Variants in PTPRN2 observed in about 807,000 individuals in gnomAD.
PTPRN2 encodes the protein receptor-type tyrosine-protein phosphatase N2.
In PTPRN2, 74 loss-of-function variants were observed where a neutral mutation model predicts 118.8. The observed-to-expected ratio is 0.62, with a 90% CI of 0.52 to 0.76. The LOEUF (loss-of-function observed/expected upper bound fraction) is 0.76. Ranked by LOEUF, PTPRN2 falls within the 30% of genes least tolerant of loss-of-function variation. The pLI, the probability that PTPRN2 is intolerant of heterozygous loss-of-function variation, is 0.00. For synonymous variants in PTPRN2, 641 were observed against 608.0 expected (o/e 1.05, Z -0.80); for missense variants, 1,481 against 1,394.4 (o/e 1.06, Z -0.99).
At chr7:158,331,173 G>T (rs10281534) in intron 2 of PTPRN2, among the ~76,000 whole-genome samples, 410 of 5,600 alleles carry the variant, frequency 0.073, 2 homozygotes, top group Admixed American at 0.1. Context: ...ACTCTCACCA[G>T]AAGAGCTGTC....
chr7:158,124,426 C>A (rs1460242173), intron 9 of PTPRN2, among the ~76,000 whole-genome samples: 1 of 152,324 alleles, frequency 6.6e-6, no homozygotes, highest in South Asian at 2.1e-4. Flanking sequence ...AAAAGGACAG[C>A]GGTGAAGGGA....
chr7:157,687,232 T>C (rs921847169), intron 12 of PTPRN2, among the ~76,000 whole-genome samples: 1 of 152,164 alleles, frequency 6.6e-6, no homozygotes, highest in African/African-American at 2.4e-5. Context: ...TAGCTGTCCA[T>C]GTGGTAAGCT....
At chr7:158,039,138 C>G (rs1415186310) in intron 11 of PTPRN2, among the ~76,000 whole-genome samples, 1 of 152,100 alleles carries the variant, frequency 6.6e-6, no homozygotes, top group Non-Finnish European at 1.5e-5. Flanking sequence ...TACTGTAATA[C>G]CATGCCATAG....
At chr7:158,207,869 A>T (rs1341497659) in intron 3 of PTPRN2, among the ~76,000 whole-genome samples, 1 of 152,204 alleles carries the variant, frequency 6.6e-6, no homozygotes, top group Non-Finnish European at 1.5e-5. Context: ...TAGTTGTTTT[A>T]AAAAAATTCA....
intron 6 of PTPRN2, among the ~76,000 whole-genome samples, chr7:158,150,516 G>A (rs556820206): frequency 2.0e-5 from 3 of 152,260 alleles, no homozygotes; most frequent in African/African-American, 4.8e-5. Context: ...GCTAACCCAG[G>A]TGAGTCCCAG....
intron 2 of PTPRN2, among the ~76,000 whole-genome samples, chr7:158,323,556 G>C (rs1803211314): frequency 6.6e-6 from 1 of 152,248 alleles, no homozygotes; most frequent in Non-Finnish European, 1.5e-5. Context: ...CAGTAATCTA[G>C]AATTGGGTGG....
chr7:158,062,080 C>T (rs145989646), intron 11 of PTPRN2, among the ~76,000 whole-genome samples: 172 of 152,378 alleles, frequency 1.1e-3, no homozygotes, highest in Non-Finnish European at 2.0e-3. Flanking sequence ...CCAGAGCCCA[C>T]GCTGACTTCT....
chr7:157,967,457 G>C (rs1459602939), intron 11 of PTPRN2, among the ~76,000 whole-genome samples: 1 of 152,202 alleles, frequency 6.6e-6, no homozygotes, highest in Admixed American at 6.5e-5. Flanking sequence ...TAGAGACTCT[G>C]TGTGGCAGGT....
At chr7:157,926,164 G>C (rs376789161) in intron 11 of PTPRN2, among the ~76,000 whole-genome samples, 38 of 27,744 alleles carry the variant, frequency 1.4e-3, no homozygotes, top group East Asian at 6.3e-3. Context: ...CCCTCTATCT[G>C]TCCACTGATA....
chr7:158,151,071 ACTCTTGCCCCTGCCTGCCCAAACCGCCCG>A lies in PTPRN2; in HGVS notation c.911-12585_911-12557del, dbSNP rs1563520538. 6.1e-4 allele frequency among the ~76,000 whole-genome samples: 64 copies of A among 105,290 alleles called. 1 individual carries two copies. The highest frequency in any genetic ancestry group is 2.3e-3 in the African/African-American group (58 of 24,948). 69.1% of individuals were successfully genotyped at this position (105,290 alleles called of 152,430 possible). A position where few individuals can be genotyped will look rare whatever the true frequency, so the allele number is the denominator to read the frequency against. On this transcript the variant is annotated intron_variant, in intron 6 of 22. Transcript: ENST00000389418. ...GCCTGCCCACACTGCCCGCCTTTCC[ACTCTTGCCCCTGCCTGCCCAAACCGCCCG>A]CCTTTCTGCTCCTACCCCTGCCCAC...
chr7:158,458,469 G>A (rs551907938), intron 2 of PTPRN2, among the ~76,000 whole-genome samples: 7 of 152,144 alleles, frequency 4.6e-5, no homozygotes, highest in African/African-American at 7.2e-5. Flanking sequence ...CTGACCACCC[G>A]GATCTTTTAA....
At chr7:157,669,046 C>T (rs549288930) in intron 13 of PTPRN2, among the ~76,000 whole-genome samples, 2 of 152,332 alleles carry the variant, frequency 1.3e-5, no homozygotes, top group South Asian at 2.1e-4. Flanking sequence ...CCAATGATTT[C>T]GTTGAGGAGA....
At chr7:158,425,947 G>A (rs1206325771) in intron 2 of PTPRN2, among the ~76,000 whole-genome samples, 3 of 138,326 alleles carry the variant, frequency 2.2e-5, no homozygotes, top group Admixed American at 7.0e-5. Flanking sequence ...CCTGCGCACC[G>A]CCGGGAAAGA....
At chr7:157,832,465 C>T (rs1182642911) in intron 12 of PTPRN2, among the ~76,000 whole-genome samples, 4 of 152,164 alleles carry the variant, frequency 2.6e-5, no homozygotes, top group Non-Finnish European at 5.9e-5. Context: ...TGTAGCGGTT[C>T]TGTTGAGTTC....
At chr7:158,382,756 T>C (rs1316527227) in intron 2 of PTPRN2, among the ~76,000 whole-genome samples, 1 of 152,140 alleles carries the variant, frequency 6.6e-6, no homozygotes, top group South Asian at 2.1e-4. Flanking sequence ...GAGGCAGTGA[T>C]GGGAGTGCTG....
intron 12 of PTPRN2, among the ~76,000 whole-genome samples, chr7:157,820,177 C>G (rs780463624): frequency 8.8e-5 from 13 of 146,906 alleles, no homozygotes; most frequent in African/African-American, 1.5e-4. Context: ...AACACCCACA[C>G]TTATGCACTC....
intron 11 of PTPRN2, among the ~76,000 whole-genome samples, chr7:157,949,596 T>C (rs1800687269): frequency 6.6e-6 from 1 of 152,246 alleles, no homozygotes; most frequent in African/African-American, 2.4e-5. Flanking sequence ...CAGGACAGCC[T>C]GCCCAGGCCA....
rs374374692 is a variant in PTPRN2, at chr7:157,987,868, GC to G, written c.1724-89132del. Reference sequence around the variant, plus strand: ...CACTTCTGACACCTCCATCACTGATGCCCCCAGCTCTCCCCACACCTGCCAT... The same window carrying G: ...CACTTCTGACACCTCCATCACTGATGCCCCAGCTCTCCCCACACCTGCCAT... On this transcript the variant is annotated intron_variant, in intron 11 of 22. Coordinates refer to ENST00000389418, the MANE Select transcript of PTPRN2 (RefSeq NM_002847.5). This position sits in a 1 kb window ranked among gnomAD's most constrained non-coding sequence, Gnocchi z 4.3. Among the ~76,000 whole-genome samples, 72 of 152,064 alleles carry G rather than the reference GC, an allele frequency of 4.7e-4. 1 individual carries two copies. In the East Asian group the frequency reaches 7.1e-3, roughly 15 times the overall value.
chr7:158,496,027 T>TC (rs1821816096), intron 1 of PTPRN2, among the ~76,000 whole-genome samples: 1 of 151,794 alleles, frequency 6.6e-6, no homozygotes, highest in Admixed American at 6.5e-5. Flanking sequence ...CGGACAGGGC[T>TC]TGGGGGGCAG....
Sources: gnomAD v4.1 joint callset for allele counts (sites outside exome capture counted in the v4.1 genomes callset) on GRCh38, gnomAD v4.1.1 for gene constraint, Gnocchi (gnomAD v3.1) non-coding constraint, MANE v1.5 for transcripts, NCBI Gene and HGNC (gene_info 2026-07-23, HGNC 2026-07-21) for gene names.